The following AEBP2 variants were observed in gnomAD, a reference collection of about 807,000 sequenced individuals.
AEBP2 encodes AE binding protein 2, also known as zinc finger protein AEBP2.
AEBP2 carries 10 observed loss-of-function variants against 50.8 expected under a neutral mutation model. That is an observed-to-expected ratio of 0.20 (90% CI 0.12 to 0.33). The LOEUF (loss-of-function observed/expected upper bound fraction) is 0.33. AEBP2 is among the 10% of genes least tolerant of loss of function. AEBP2 has a pLI of 1.00. For synonymous variants in AEBP2, 296 were observed against 261.3 expected, an observed-to-expected ratio of 1.13 and a Z score of -1.28; for missense variants, 570 against 688.0, an observed-to-expected ratio of 0.83 and a Z score of 1.92.
Position 19,439,830 on chromosome 12 carries a change from A to C in AEBP2, c.131A>C (p.Glu44Ala), listed in dbSNP as rs1947912008. The C allele has an allele frequency of 1.4e-5, 21 of 1,501,290 alleles. No homozygotes were observed. Among genetic ancestry groups the C allele is most frequent in the Non-Finnish European group, 1.9e-5 (21 of 1,133,118 alleles). 93.0% of individuals were successfully genotyped at this position (1,501,290 alleles called of 1,614,324 possible). A position where few individuals can be genotyped will look rare whatever the true frequency, so the allele number is the denominator to read the frequency against. Residue 44 changes from glutamate to alanine, a missense_variant, in exon 1 of 8, where the codon GAG becomes GCG. Glu to Ala is a moderately radical substitution (Grantham distance 107). Transcript: ENST00000266508. The part of the protein sequence containing the change: ...EPPEEEEEEE[E>A]EEEEAEAEAV... ...CCCGAGGAGGAGGAGGAAGAGGAGG[A>C]GGAGGAAGAGGAGGCGGAGGCCGAG...
At chr12:19,416,652 C>G (rs1233283507) in intron 1 of AEBP2, among the ~76,000 whole-genome samples, 1 of 145,422 alleles carries the variant, frequency 6.9e-6, no homozygotes, top group Non-Finnish European at 1.5e-5. Flanking sequence ...GAGACAGAGT[C>G]TCGTTCTGTC....
chr12:19,519,363 C>G lies in AEBP2; in HGVS notation c.*1246C>G, dbSNP rs935616911. 6.6e-6 allele frequency: 1 copy of G among 152,462 alleles called. No homozygotes were observed. The highest frequency in any genetic ancestry group is 2.4e-5 in the African/African-American group (1 of 41,424). The allele number at this position is 152,462 out of a possible 1,614,324, so 9.4% of individuals were successfully genotyped here. ...CCAGAGGAATTGTTAATAAAAGCACCTTCTTTAACAATAAATGTCTTTCAC... is the reference window on the plus strand; with the variant it reads ...CCAGAGGAATTGTTAATAAAAGCACGTTCTTTAACAATAAATGTCTTTCAC... On this transcript the variant is annotated 3_prime_UTR_variant, in exon 8 of 8. Coordinates refer to ENST00000266508, the MANE Select transcript of AEBP2 (RefSeq NM_153207.5).
Position 19,520,142 on chromosome 12 carries a change from A to G in AEBP2, c.*2025A>G, listed in dbSNP as rs891552435. 1 of 152,444 alleles carries G rather than the reference A, an allele frequency of 6.6e-6. No homozygotes were observed. Among genetic ancestry groups the G allele is most frequent in the Non-Finnish European group, 1.5e-5 (1 of 67,982 alleles). 9.4% of individuals were successfully genotyped at this position (152,444 alleles called of 1,614,324 possible). ...ACCTGTATTTTTATTTTATTGCCTC[A>G]TGTTCTTGTAAGTCATTCTTAATTG... On this transcript the variant is annotated 3_prime_UTR_variant, in exon 8 of 8. Coordinates refer to ENST00000266508, the MANE Select transcript of AEBP2 (RefSeq NM_153207.5).
At chr12:19,412,634 A>G (rs1427683701) in intron 1 of AEBP2, among the ~76,000 whole-genome samples, 1 of 151,838 alleles carries the variant, frequency 6.6e-6, no homozygotes, top group Non-Finnish European at 1.5e-5. Context: ...GAATCTCACT[A>G]TGTTGCCCAG....
At chr12:19,496,162 T>C (rs10770496) in intron 4 of AEBP2, among the ~76,000 whole-genome samples, 64,983 of 148,634 alleles carry the variant, frequency 0.44, 15,000 homozygotes, top group Non-Finnish European at 0.55. Flanking sequence ...TCGCTACTCT[T>C]TGTCTTGTAA....
At position 19,443,053 on chromosome 12, in the gene AEBP2, T is replaced by TAA. The variant is rs1947991291; in HGVS notation, c.671+2684_671+2685insAA. On this transcript the variant is annotated intron_variant, in intron 1 of 7. Coordinates refer to ENST00000266508, the MANE Select transcript of AEBP2 (RefSeq NM_153207.5). ...TTTGGTTACGTTGTGCTTTTTAGTT[T>TAA]ATCTGATATGCTCTAGAATTTGTTG... Among the ~76,000 whole-genome samples, 3 of 152,196 alleles carry TAA rather than the reference T, an allele frequency of 2.0e-5. No individual in the cohort carries two copies. The South Asian group carries it at 6.2e-4, about 31-fold the overall frequency.
intron 5 of AEBP2, among the ~76,000 whole-genome samples, chr12:19,506,573 T>G (rs1388442991): frequency 6.6e-6 from 1 of 152,100 alleles, no homozygotes; most frequent in Admixed American, 6.5e-5. Context: ...CACTCTGAAG[T>G]TTTCTGGTGT....
intron 3 of AEBP2, among the ~76,000 whole-genome samples, chr12:19,483,254 G>A (rs556939417): frequency 6.6e-6 from 1 of 152,246 alleles, no homozygotes; most frequent in South Asian, 2.1e-4. Flanking sequence ...ATGCTTACAA[G>A]GCATTTCCCA....
At chr12:19,425,365 T>G (rs2095747989) in intron 1 of AEBP2, among the ~76,000 whole-genome samples, 1 of 152,312 alleles carries the variant, frequency 6.6e-6, no homozygotes, top group African/African-American at 2.4e-5. Context: ...GTGAAGCTAG[T>G]GATTTGTTAA....
At chr12:19,448,924 C>A (rs977920591) in intron 1 of AEBP2, among the ~76,000 whole-genome samples, 26 of 152,282 alleles carry the variant, frequency 1.7e-4, no homozygotes, top group African/African-American at 6.3e-4. Context: ...AAGCAGTCCT[C>A]CCACCTTGGC....
At chr12:19,496,875 A>G (rs931103173) in intron 4 of AEBP2, among the ~76,000 whole-genome samples, 9 of 151,772 alleles carry the variant, frequency 5.9e-5, no homozygotes, top group African/African-American at 2.2e-4. Flanking sequence ...CTTTTTGACC[A>G]GGCTGGTCTT....
intron 1 of AEBP2, chr12:19,440,650 C>G: frequency 6.5e-7 from 1 of 1,530,446 alleles, no homozygotes; most frequent in South Asian, 1.2e-5. Context: ...GGCTCTAACT[C>G]GGAAACAGTC....
chr12:19,479,716 G>GTTTT (rs1565723172), intron 3 of AEBP2, among the ~76,000 whole-genome samples: 2 of 29,924 alleles, frequency 6.7e-5, no homozygotes, highest in African/African-American at 1.1e-4. Context: ...CCTCTTTGTG[G>GTTTT]GTTTTTTTTT....
At chr12:19,497,523 A>G (rs938168812) in intron 4 of AEBP2, among the ~76,000 whole-genome samples, 2 of 151,938 alleles carry the variant, frequency 1.3e-5, no homozygotes, top group Admixed American at 6.6e-5. Context: ...CCGAGGCTGG[A>G]GTGCAGTGGT....
chr12:19,445,345 C>T (rs1244729213), intron 1 of AEBP2, among the ~76,000 whole-genome samples: 1 of 151,370 alleles, frequency 6.6e-6, no homozygotes, highest in Non-Finnish European at 1.5e-5. Context: ...ATTACAGGCG[C>T]ATGCCACCGT....
Position 19,440,281 on chromosome 12 carries a change from C to A in AEBP2, c.582C>A (p.Gly194=). Reference sequence around the variant, plus strand: ...ACGAGGGCTACGGGACTGGGGGAGGCGGAAGCAGCGCGACCTCCGGGGGCC... The same window carrying A: ...ACGAGGGCTACGGGACTGGGGGAGGAGGAAGCAGCGCGACCTCCGGGGGCC... ...GGDEGYGTGG[G]GSSATSGGRR... is the part of the protein sequence containing the mutation. The change falls in exon 1 of 8, where the codon GGC becomes GGA. Residue 194 remains glycine, a synonymous_variant. Coordinates refer to ENST00000266508, the MANE Select transcript of AEBP2 (RefSeq NM_153207.5). 1 of 1,460,670 alleles carries A rather than the reference C, an allele frequency of 6.8e-7. No individual in the cohort carries two copies. Among genetic ancestry groups the A allele is most frequent in the Non-Finnish European group, 9.0e-7 (1 of 1,114,786 alleles). 90.5% of individuals were successfully genotyped at this position (1,460,670 alleles called of 1,614,324 possible).
intron 1 of AEBP2, chr12:19,440,833 T>C (rs1947944349): frequency 7.2e-7 from 1 of 1,385,752 alleles, no homozygotes; most frequent in South Asian, 1.3e-5. Context: ...TCCTTGTCCA[T>C]GGGAGAGACC....
intron 1 of AEBP2, chr12:19,457,793 T>C: frequency 2.6e-6 from 1 of 380,002 alleles, no homozygotes; most frequent in Non-Finnish European, 4.5e-6. Flanking sequence ...TTGTTAGAAA[T>C]GCTTTATCTC....
intron 2 of AEBP2, among the ~76,000 whole-genome samples, chr12:19,471,487 T>A (rs1214590545): frequency 6.6e-6 from 1 of 152,048 alleles, no homozygotes; most frequent in Non-Finnish European, 1.5e-5. Flanking sequence ...CAATATTGAA[T>A]TAATTTCTAT....
Sources: gnomAD v4.1 joint callset for allele counts (sites outside exome capture counted in the v4.1 genomes callset) on GRCh38, gnomAD v4.1.1 for gene constraint, MANE v1.5 for transcripts, NCBI Gene and HGNC (gene_info 2026-07-23, HGNC 2026-07-21) for gene names.